Variants in MAPK1IP1L observed in about 807,000 individuals in gnomAD.
MAPK1IP1L encodes the protein mitogen-activated protein kinase 1 interacting protein 1 like, also known as MAPK-interacting and spindle-stabilizing protein-like.
In MAPK1IP1L, 10 loss-of-function variants were observed where a neutral mutation model predicts 18.1. The ratio of observed to expected loss-of-function variants is 0.55; its 90% CI spans 0.34 to 0.94. The LOEUF is 0.94. Ranked by LOEUF, MAPK1IP1L falls within the 40% of genes least tolerant of loss-of-function variation. The pLI is 0.02. For synonymous variants in MAPK1IP1L, 115 were observed against 117.3 expected (o/e 0.98, Z 0.13); for missense variants, 260 against 318.2 (o/e 0.82, Z 1.39).
chr14:55,063,026 G>A lies in MAPK1IP1L; in HGVS notation c.427G>A (p.Gly143Ser). 1.2e-6 allele frequency: 2 copies of A among 1,613,990 alleles called. No homozygotes were observed. Among genetic ancestry groups the A allele is most frequent in the Non-Finnish European group, 1.7e-6 (2 of 1,179,922 alleles). Residue 143 changes from glycine to serine, a missense_variant, in exon 3 of 4, where the codon GGT becomes AGT. Coordinates refer to ENST00000395468, the MANE Select transcript of MAPK1IP1L (RefSeq NM_144578.4). ...AGATCCAGCTGCAGCTGGTCCTTTA[G>A]GTCCATGGGGATCCATGTCTTCTGG... ...PTDPAAAGPL[G>S]PWGSMSSGPW...
intron 1 of MAPK1IP1L, among the ~76,000 whole-genome samples, chr14:55,057,724 C>T (rs1313360133): frequency 2.6e-5 from 4 of 151,648 alleles, no homozygotes; most frequent in South Asian, 2.1e-4. Context: ...CCACTGCACT[C>T]CAGTCTGGCG....
chr14:55,053,591 A>C (rs906532054), intron 1 of MAPK1IP1L, among the ~76,000 whole-genome samples: 1 of 152,192 alleles, frequency 6.6e-6, no homozygotes, highest in Non-Finnish European at 1.5e-5. Context: ...CTTTTAGTGA[A>C]ATAATTCAAA....
In MAPK1IP1L at chr14:55,069,620, G is replaced by A. The variant is rs1054861833; in HGVS notation, c.*4993G>A. 3.9e-5 allele frequency: 6 copies of A among 152,324 alleles called. No homozygotes were observed. Among genetic ancestry groups the A allele is most frequent in the African/African-American group, 1.4e-4 (6 of 41,408 alleles). The allele number at this position is 152,324 out of a possible 1,614,324, so 9.4% of individuals were successfully genotyped here. On this transcript the variant is annotated 3_prime_UTR_variant, in exon 4 of 4. Coordinates refer to ENST00000395468, the MANE Select transcript of MAPK1IP1L (RefSeq NM_144578.4). The stretch of plus-strand genomic sequence containing the variant: ...GAGCAAGTCCAGAGCCTAATTAACT[G>A]TAAATTTGTTGTCAAAAAGGAAGAA...
At position 55,068,085 on chromosome 14, in the gene MAPK1IP1L, TACA is replaced by T. The variant is rs1270865413; in HGVS notation, c.*3459_*3461del. ...TTTTCATGCTTTTGAAGACACCATT[TACA>T]GCTCTGACTCAGCCCTATTTTGTGT... is the stretch of plus-strand genomic sequence containing the variant. On this transcript the variant is annotated 3_prime_UTR_variant, in exon 4 of 4. Coordinates refer to ENST00000395468, the MANE Select transcript of MAPK1IP1L (RefSeq NM_144578.4). 2 of 152,254 alleles carry T rather than the reference TACA, an allele frequency of 1.3e-5. No individual in the cohort carries two copies. Among genetic ancestry groups the T allele is most frequent in the African/African-American group, 4.8e-5 (2 of 41,464 alleles). The allele number at this position is 152,254 out of a possible 1,614,324, so 9.4% of individuals were successfully genotyped here. A position where few individuals can be genotyped will look rare whatever the true frequency, so the allele number is the denominator to read the frequency against.
rs1467314704 is a variant in MAPK1IP1L at position 55,051,677 on chromosome 14, G to A, written c.-131G>A. On this transcript the variant is annotated 5_prime_UTR_variant, in exon 1 of 4. Coordinates refer to ENST00000395468, the MANE Select transcript of MAPK1IP1L (RefSeq NM_144578.4). ...CTGTTCCGGCGCCAGGAGGAGCCGC[G>A]CGCTGCTGGTGCTGTTGCCGCCGCT... 1 of 515,236 alleles carries A rather than the reference G, an allele frequency of 1.9e-6. No homozygotes were observed. Among genetic ancestry groups the A allele is most frequent in the Admixed American group, 1.9e-5 (1 of 51,452 alleles). 31.9% of individuals were successfully genotyped at this position (515,236 alleles called of 1,614,324 possible). A position where few individuals can be genotyped will look rare whatever the true frequency, so the allele number is the denominator to read the frequency against.
At chr14:55,052,890 G>T (rs958023151) in intron 1 of MAPK1IP1L, among the ~76,000 whole-genome samples, 2 of 152,188 alleles carry the variant, frequency 1.3e-5, no homozygotes, top group Non-Finnish European at 2.9e-5. Context: ...TGAAACTTTT[G>T]AAGCTAGTGT....
intron 1 of MAPK1IP1L, among the ~76,000 whole-genome samples, chr14:55,056,596 G>A (rs1406442169): frequency 6.6e-6 from 1 of 152,086 alleles, no homozygotes; most frequent in Non-Finnish European, 1.5e-5. Context: ...TGCAAGCTCC[G>A]CCTCCTGGGT....
At chr14:55,052,208 A>G (rs2042735851) in intron 1 of MAPK1IP1L, among the ~76,000 whole-genome samples, 1 of 151,394 alleles carries the variant, frequency 6.6e-6, no homozygotes, top group African/African-American at 2.4e-5. Flanking sequence ...TGCGTCCCTA[A>G]ACGGCTGCCG....
At chr14:55,061,180 TA>T (rs1321507329) in intron 1 of MAPK1IP1L, among the ~76,000 whole-genome samples, 1 of 152,158 alleles carries the variant, frequency 6.6e-6, no homozygotes, top group Non-Finnish European at 1.5e-5. Flanking sequence ...AAATGTAAGT[TA>T]AAATAAGACG....
rs548172173 is a variant in MAPK1IP1L at position 55,058,314 on chromosome 14, G to A, written c.-4-3366G>A. ...ATAACAAAACAAAGTTGAATGAAAC[G>A]TCTTTCGAGGACCTGCTATAGACTA... is the stretch of plus-strand genomic sequence containing the variant. On this transcript the variant is annotated intron_variant, in intron 1 of 3. Transcript: ENST00000395468. Among the ~76,000 whole-genome samples the A allele has an allele frequency of 2.6e-4, 39 of 152,266 alleles. 1 individual carries two copies. The South Asian group carries it at 7.7e-3, about 30-fold the overall frequency.
At position 55,057,718 on chromosome 14, in the gene MAPK1IP1L, T is replaced by G. The variant is rs1034040896; in HGVS notation, c.-4-3962T>G. 2.0e-5 allele frequency among the ~76,000 whole-genome samples: 3 copies of G among 151,356 alleles called. No homozygotes were observed. The East Asian group carries it at 5.8e-4, about 29-fold the overall frequency. ...TTACAGTGAACCAAGATCGCGCCACTGCACTCCAGTCTGGCGACAGAGCGA... is the reference window on the plus strand; with the variant it reads ...TTACAGTGAACCAAGATCGCGCCACGGCACTCCAGTCTGGCGACAGAGCGA... On this transcript the variant is annotated intron_variant, in intron 1 of 3. Transcript: ENST00000395468.
intron 2 of MAPK1IP1L, among the ~76,000 whole-genome samples, chr14:55,062,222 C>G (rs538198773): frequency 2.6e-5 from 4 of 152,146 alleles, no homozygotes; most frequent in African/African-American, 9.7e-5. Context: ...CAAGTTAACC[C>G]TAAAACAGTT....
intron 1 of MAPK1IP1L, among the ~76,000 whole-genome samples, chr14:55,055,910 G>T (rs1344457782): frequency 6.6e-6 from 1 of 152,128 alleles, no homozygotes; most frequent in Non-Finnish European, 1.5e-5. Flanking sequence ...AGCCTGGGTG[G>T]CAGAGCGAGA....
chr14:55,059,225 GAA>G (rs3078612), intron 1 of MAPK1IP1L, among the ~76,000 whole-genome samples: 2,429 of 63,226 alleles, frequency 0.038, 29 homozygotes, highest in African/African-American at 0.08. Flanking sequence ...AGGAAAATCT[GAA>G]AAAAAAAAAA....
Position 55,067,385 on chromosome 14 carries a change from A to C in MAPK1IP1L, c.*2758A>C, listed in dbSNP as rs2042871889. On this transcript the variant is annotated 3_prime_UTR_variant, in exon 4 of 4. Transcript: ENST00000395468. ...AGGCGTTTTAGTGGAGAAATGGGGA[A>C]CAGCATCAAGAAAGGCTTTTTTCCT... is the stretch of plus-strand genomic sequence containing the variant. The C allele has an allele frequency of 6.6e-6, 1 of 151,838 alleles. No homozygotes were observed. The highest frequency in any genetic ancestry group is 1.9e-4 in the East Asian group (1 of 5,188). The allele number at this position is 151,838 out of a possible 1,614,324, so 9.4% of individuals were successfully genotyped here.
In MAPK1IP1L at chr14:55,068,651, G is replaced by C. The variant is rs1594629662; in HGVS notation, c.*4024G>C. ...AAAGTTGTAGGTGGCGTTCAGGGAA[G>C]ACTTTGATTTTAATAAAGCAATATT... On this transcript the variant is annotated 3_prime_UTR_variant, in exon 4 of 4. Coordinates refer to ENST00000395468, the MANE Select transcript of MAPK1IP1L (RefSeq NM_144578.4). The C allele has an allele frequency of 6.6e-6, 1 of 152,368 alleles. No individual in the cohort carries two copies. The highest frequency in any genetic ancestry group is 1.5e-5 in the Non-Finnish European group (1 of 68,032). The allele number at this position is 152,368 out of a possible 1,614,324, so 9.4% of individuals were successfully genotyped here.
chr14:55,056,252 T>A (rs2042770391), intron 1 of MAPK1IP1L, among the ~76,000 whole-genome samples: 1 of 152,206 alleles, frequency 6.6e-6, no homozygotes, highest in South Asian at 2.1e-4. Flanking sequence ...ATAATTTATG[T>A]AATTCCATGA....
At chr14:55,056,751 C>T (rs559937812) in intron 1 of MAPK1IP1L, among the ~76,000 whole-genome samples, 7 of 152,210 alleles carry the variant, frequency 4.6e-5, no homozygotes, top group African/African-American at 1.7e-4. Context: ...CTTCGTGATC[C>T]GCCCTCCTCG....
At chr14:55,054,651 C>G (rs546089526) in intron 1 of MAPK1IP1L, among the ~76,000 whole-genome samples, 62 of 152,230 alleles carry the variant, frequency 4.1e-4, no homozygotes, top group African/African-American at 1.5e-3. Flanking sequence ...AGTTTTTTGT[C>G]AAAAGATAAC....
Sources: allele counts gnomAD v4.1 joint callset (sites outside exome capture counted in the v4.1 genomes callset), GRCh38; gene constraint gnomAD v4.1.1; transcripts MANE v1.5; gene names NCBI Gene and HGNC (gene_info 2026-07-23, HGNC 2026-07-21).